Variants in PHACTR3 observed in about 807,000 individuals in gnomAD.
PHACTR3 encodes the protein phosphatase and actin regulator 3.
Under a neutral mutation model 66.8 loss-of-function variants are expected in PHACTR3, and 16 were observed. That is an observed-to-expected ratio of 0.24 (90% confidence interval 0.16 to 0.36). The LOEUF is 0.36. Ranked by LOEUF, PHACTR3 falls within the 10% of genes least tolerant of loss-of-function variation. The pLI is 1.00. For missense variants in PHACTR3, 647 were observed against 719.9 expected (o/e 0.90, Z 1.16); for synonymous variants, 323 against 292.1 (o/e 1.11, Z -1.08).
At chr20:59,627,014 C>T (rs1329606659) in intron 1 of PHACTR3, 1 of 152,196 alleles carries the variant, frequency 6.6e-6, no homozygotes, top group East Asian at 1.9e-4. Context: ...CTTATACCAC[C>T]CAAACACTTT....
At chr20:59,791,222 G>C (rs1485913624) in intron 7 of PHACTR3, among the ~76,000 whole-genome samples, 1 of 152,128 alleles carries the variant, frequency 6.6e-6, no homozygotes, top group Admixed American at 6.5e-5. Flanking sequence ...GAGTCTGTCT[G>C]GCCCTCTCTC....
In PHACTR3 at chr20:59,749,658, G is replaced by A. The variant is rs549428673; in HGVS notation, c.358+1823G>A. Among the ~76,000 whole-genome samples the A allele has an allele frequency of 4.6e-5, 7 of 152,288 alleles. No homozygotes were observed. In the South Asian group the frequency reaches 1.5e-3, roughly 32 times the overall value. ...CAGATAGTGCATATTTCAGGGGGAC[G>A]TGCAGTCTCTGTTGCAACTACTTGT... On this transcript the variant is annotated intron_variant, in intron 3 of 12. Coordinates refer to ENST00000371015, the MANE Select transcript of PHACTR3 (RefSeq NM_080672.5).
At chr20:59,773,241 G>A in intron 5 of PHACTR3, 38 bp from the exon 6 acceptor site, 1 of 1,591,466 alleles carries the variant, frequency 6.3e-7, no homozygotes, top group Non-Finnish European at 8.6e-7. Flanking sequence ...CCCAGCTCCT[G>A]AAGACCTATG....
chr20:59,727,188 C>T (rs1053071599), intron 1 of PHACTR3, among the ~76,000 whole-genome samples: 3 of 152,094 alleles, frequency 2.0e-5, no homozygotes, highest in Admixed American at 6.5e-5. Flanking sequence ...GCTGTACGGA[C>T]GCTATATGGA....
chr20:59,762,874 C>G lies in PHACTR3; in HGVS notation c.542-4312C>G, dbSNP rs369425315. Among the ~76,000 whole-genome samples the G allele has an allele frequency of 1.3e-4, 20 of 152,254 alleles. No homozygotes were observed. The East Asian group carries it at 2.5e-3, about 19-fold the overall frequency. Reference sequence around the variant, plus strand: ...TGAGAAATATTTTCGAAGTAGAGTTCGTGAGACTTGCCTGTGAATTAGATA... The same window carrying G: ...TGAGAAATATTTTCGAAGTAGAGTTGGTGAGACTTGCCTGTGAATTAGATA... On this transcript the variant is annotated intron_variant, in intron 4 of 12. Coordinates refer to ENST00000371015, the MANE Select transcript of PHACTR3 (RefSeq NM_080672.5).
intron 2 of PHACTR3, among the ~76,000 whole-genome samples, chr20:59,744,633 A>G (rs1383146425): frequency 6.6e-6 from 1 of 152,216 alleles, no homozygotes; most frequent in Non-Finnish European, 1.5e-5. Flanking sequence ...CACCGACAGC[A>G]GGCCCTCCAC....
rs71183177 is a variant in PHACTR3 at position 59,622,981 on chromosome 20, C to CAA, written c.118+17868_118+17869dup. Among the ~76,000 whole-genome samples, 75 of 32,224 alleles carry CAA rather than the reference C, an allele frequency of 2.3e-3. 12 individuals are homozygous for CAA. The highest frequency in any genetic ancestry group is 6.1e-3 in the East Asian group (12 of 1,980). 21.1% of individuals were successfully genotyped at this position (32,224 alleles called of 152,430 possible). ...ATTCTAATTTTACAGCAGCTTTAAC[C>CAA]AAAAAAAAAAAAAAAAAAAACCCAA... is the stretch of plus-strand genomic sequence containing the variant. On this transcript the variant is annotated intron_variant, in intron 1 of 12. Coordinates refer to ENST00000371015, the MANE Select transcript of PHACTR3 (RefSeq NM_080672.5).
intron 8 of PHACTR3, among the ~76,000 whole-genome samples, chr20:59,827,810 C>T (rs1293464158): frequency 1.3e-5 from 2 of 152,142 alleles, no homozygotes; most frequent in Non-Finnish European, 2.9e-5. Context: ...GACACCTTCC[C>T]GACATCAGAA....
At chr20:59,711,847 C>CT (rs1009253247) in intron 1 of PHACTR3, among the ~76,000 whole-genome samples, 7 of 151,980 alleles carry the variant, frequency 4.6e-5, no homozygotes, top group African/African-American at 1.7e-4. Flanking sequence ...GTTTAATTTT[C>CT]TTTTTTAAGT....
chr20:59,640,712 T>A (rs1006395123), intron 1 of PHACTR3, among the ~76,000 whole-genome samples: 6 of 152,168 alleles, frequency 3.9e-5, no homozygotes, highest in African/African-American at 1.4e-4. Flanking sequence ...TCTAGAGAGA[T>A]CATAGGGTTG....
At chr20:59,661,594 G>A (rs563664521) in intron 1 of PHACTR3, among the ~76,000 whole-genome samples, 7 of 152,300 alleles carry the variant, frequency 4.6e-5, no homozygotes, top group African/African-American at 1.7e-4. Flanking sequence ...ATGGCACAAT[G>A]TGTACCAGCA....
intron 1 of PHACTR3, among the ~76,000 whole-genome samples, chr20:59,690,144 C>T (rs2037057994): frequency 6.6e-6 from 1 of 152,218 alleles, no homozygotes; most frequent in African/African-American, 2.4e-5. Flanking sequence ...AAGCCCCCTC[C>T]TGCACCTCTG....
At position 59,664,046 on chromosome 20, in the gene PHACTR3, C is replaced by G. The variant is rs561677717; in HGVS notation, c.118+58914C>G. Among the ~76,000 whole-genome samples, 12 of 152,154 alleles carry G rather than the reference C, an allele frequency of 7.9e-5. No individual in the cohort carries two copies. The South Asian group carries it at 1.5e-3, about 18-fold the overall frequency. On this transcript the variant is annotated intron_variant, in intron 1 of 12. Coordinates refer to ENST00000371015, the MANE Select transcript of PHACTR3 (RefSeq NM_080672.5). ...GTTTTCTTGTGATTCTCCCTTTTTC[C>G]TAAACACTTATGAGAGAAAAGCCAC...
intron 8 of PHACTR3, among the ~76,000 whole-genome samples, chr20:59,817,298 G>A (rs1422316446): frequency 2.0e-5 from 3 of 152,206 alleles, no homozygotes; most frequent in East Asian, 1.9e-4. Flanking sequence ...GTCTGCATAC[G>A]CTTCTGGCGA....
intron 1 of PHACTR3, among the ~76,000 whole-genome samples, chr20:59,719,786 C>G (rs779467013): frequency 5.9e-5 from 9 of 152,140 alleles, no homozygotes; most frequent in Non-Finnish European, 1.3e-4. Flanking sequence ...ACTGGTGTGA[C>G]TGATGTTAAC....
chr20:59,806,831 C>T (rs1286672656), intron 8 of PHACTR3, among the ~76,000 whole-genome samples: 2 of 152,170 alleles, frequency 1.3e-5, no homozygotes, highest in African/African-American at 4.8e-5. Flanking sequence ...CTGATGGCTC[C>T]GAGGCTACAA....
rs1316478653 is a variant in PHACTR3 at position 59,774,449 on chromosome 20, T to C, written c.1133T>C (p.Leu378Ser). The stretch of plus-strand genomic sequence containing the variant: ...TCTGAACTCAAAGACGACTTGCTTT[T>C]GTATCAGGACGAGGAGGCGCTGAAC... The part of the protein sequence containing the change: ...INSELKDDLL[L>S]YQDEEALNDS... The change falls in exon 7 of 13, where the codon TTG becomes TCG. Residue 378 changes from leucine (L) to serine (S), a missense_variant. Leu to Ser is a moderately radical substitution (Grantham distance 145). Coordinates refer to ENST00000371015, the MANE Select transcript of PHACTR3 (RefSeq NM_080672.5). The C allele has an allele frequency of 6.2e-7, 1 of 1,614,016 alleles. No individual in the cohort carries two copies.
At position 59,829,410 on chromosome 20, in the gene PHACTR3, C is replaced by T. The variant is rs1239664299; in HGVS notation, c.1329-7095C>T. 6.6e-6 allele frequency among the ~76,000 whole-genome samples: 1 copy of T among 152,204 alleles called. No individual in the cohort carries two copies. The highest frequency in any genetic ancestry group is 1.5e-5 in the Non-Finnish European group (1 of 68,042). ...GGCCTCATCTTATGGCCTGGAGAGT[C>T]CTCTTCTCTTCCTGAACTTCTCTCC... On this transcript the variant is annotated intron_variant, in intron 8 of 12. Transcript: ENST00000371015. This position sits in a 1 kb window ranked among gnomAD's most constrained non-coding sequence, Gnocchi z 4.2.
intron 1 of PHACTR3, among the ~76,000 whole-genome samples, chr20:59,580,909 G>T (rs191930865): frequency 1.3e-5 from 2 of 152,222 alleles, no homozygotes; most frequent in Non-Finnish European, 2.9e-5. Context: ...GAAACTGGGC[G>T]TCTGTAGCTC....
Sources: allele counts gnomAD v4.1 joint callset (sites outside exome capture counted in the v4.1 genomes callset), GRCh38; gene constraint gnomAD v4.1.1; non-coding constraint Gnocchi (gnomAD v3.1); transcripts MANE v1.5; gene names NCBI Gene and HGNC (gene_info 2026-07-23, HGNC 2026-07-21).